MYL12B: variants seen among roughly 807,000 people sequenced by gnomAD.
The protein encoded by MYL12B is myosin light chain 12B.
Under a neutral mutation model 12.9 loss-of-function variants are expected in MYL12B, and 3 were observed. The ratio of observed to expected loss-of-function variants is 0.23; its 90% CI spans 0.11 to 0.60. The LOEUF (loss-of-function observed/expected upper bound fraction) is 0.60. MYL12B is among the 20% of genes least tolerant of loss of function. The probability of loss-of-function intolerance (pLI) is 0.89; values close to 1 mark genes in which losing one functional copy is unlikely to be tolerated. For synonymous variants in MYL12B, 57 were observed against 71.9 expected (o/e 0.79, Z 1.05); for missense variants, 120 against 215.4 (o/e 0.56, Z 2.77).
At position 3,278,050 on chromosome 18, in the gene MYL12B, C is replaced by G. The variant is rs2081748633; in HGVS notation, c.*113C>G. ...ATGCAACTTAGTTTCACAGCTTTGC[C>G]TCTTCTTTTTGATGTATTTATTCCA... On this transcript the variant is annotated 3_prime_UTR_variant, in exon 4 of 4. Transcript: ENST00000237500. 7.5e-7 allele frequency: 1 copy of G among 1,341,418 alleles called. No individual in the cohort carries two copies. The highest frequency in any genetic ancestry group is 1.5e-5 in the African/African-American group (1 of 66,920). The allele number at this position is 1,341,418 out of a possible 1,614,324, so 83.1% of individuals were successfully genotyped here. A position where few individuals can be genotyped will look rare whatever the true frequency, so the allele number is the denominator to read the frequency against.
In MYL12B at chr18:3,278,002, C is replaced by T; in HGVS notation, c.*65C>T. On this transcript the variant is annotated 3_prime_UTR_variant, in exon 4 of 4. Transcript: ENST00000237500. ...TCTCTTTTACTTCTCAGACACTTCC[C>T]CCACCCTCATAGAACCTGTTGCATG... The T allele has an allele frequency of 1.3e-6, 2 of 1,559,084 alleles. No homozygotes were observed. The highest frequency in any genetic ancestry group is 4.7e-5 in the East Asian group (2 of 42,220).
rs1022514331 is a variant in MYL12B, at chr18:3,273,045, C to T, written c.147C>T (p.Ile49=). The change falls in exon 2 of 4, where the codon ATC becomes ATT. Residue 49 remains isoleucine (I), a synonymous_variant. Transcript: ENST00000237500. ...NMIDQNRDGF[I]DKEDLHDMLA... ...TTGATCAGAACAGAGATGGCTTCAT[C>T]GACAAGGAAGATTTGCATGATATGC... is the stretch of plus-strand genomic sequence containing the variant. 1.2e-6 allele frequency: 2 copies of T among 1,605,684 alleles called. No individual in the cohort carries two copies. Among genetic ancestry groups the T allele is most frequent in the South Asian group, 1.1e-5 (1 of 89,576 alleles).
Position 3,278,012 on chromosome 18 carries a change from T to A in MYL12B, c.*75T>A. The A allele has an allele frequency of 6.5e-7, 1 of 1,532,920 alleles. No individual in the cohort carries two copies. The highest frequency in any genetic ancestry group is 8.8e-7 in the Non-Finnish European group (1 of 1,134,206). The allele number at this position is 1,532,920 out of a possible 1,614,324, so 95.0% of individuals were successfully genotyped here. ...TTCTCAGACACTTCCCCCACCCTCA[T>A]AGAACCTGTTGCATGCAACTTAGTT... On this transcript the variant is annotated 3_prime_UTR_variant, in exon 4 of 4. Transcript: ENST00000237500.
chr18:3,273,975 C>T (rs923279498), intron 2 of MYL12B, among the ~76,000 whole-genome samples: 2 of 151,816 alleles, frequency 1.3e-5, no homozygotes, highest in South Asian at 4.1e-4. Context: ...TTATTCCTAT[C>T]CAACATATGA....
rs758577007 is a variant in MYL12B, at chr18:3,273,083, G to C, written c.184+1G>C. 6.3e-7 allele frequency: 1 copy of C among 1,585,148 alleles called. No homozygotes were observed. On this transcript the variant is annotated splice_donor_variant, in intron 2 of 3. Transcript: ENST00000237500. LOFTEE classifies it high-confidence loss of function. ...TTGCATGATATGCTTGCTTCTCTAGGTAGACTTTATATTCTTTATTTGTAT... is the reference window on the plus strand; with the variant it reads ...TTGCATGATATGCTTGCTTCTCTAGCTAGACTTTATATTCTTTATTTGTAT...
chr18:3,273,147 T>C, intron 2 of MYL12B, 65 bp downstream of exon 2: 1 of 1,473,412 alleles, frequency 6.8e-7, no homozygotes, highest in Non-Finnish European at 9.1e-7. Flanking sequence ...ATGAATCTTT[T>C]TTTTGTGCGA....
In MYL12B at chr18:3,277,438, A is replaced by G; in HGVS notation, c.346+24A>G. On this transcript the variant is annotated intron_variant, in intron 3 of 3. Transcript: ENST00000237500. ...AGGTGAGTGCTATTTGTTTATGCCC[A>G]GCCTCATTCCACACTATATAAAGTA... 6 of 1,612,584 alleles carry G rather than the reference A, an allele frequency of 3.7e-6. No individual in the cohort carries two copies. In the East Asian group the frequency reaches 8.9e-5, roughly 24 times the overall value.
intron 1 of MYL12B, chr18:3,272,117 A>G (rs1256710853): frequency 1.0e-6 from 1 of 985,226 alleles, no homozygotes; most frequent in Non-Finnish European, 1.2e-6. Flanking sequence ...AAATGCAGGG[A>G]TAGCTAGAAA....
chr18:3,274,521 G>T (rs1422226574), intron 2 of MYL12B, among the ~76,000 whole-genome samples: 2 of 152,204 alleles, frequency 1.3e-5, no homozygotes, highest in Admixed American at 6.5e-5. Flanking sequence ...GGTAGAAGAA[G>T]ATTTATAGAC....
At chr18:3,274,790 T>C (rs2081715407) in intron 2 of MYL12B, among the ~76,000 whole-genome samples, 1 of 152,228 alleles carries the variant, frequency 6.6e-6, no homozygotes, top group Non-Finnish European at 1.5e-5. Context: ...TACGGAGTCT[T>C]TCTCAGGCCA....
chr18:3,273,223 A>AT, intron 2 of MYL12B, 141 bp downstream of exon 2: 1 of 955,768 alleles, frequency 1.0e-6, no homozygotes, highest in Non-Finnish European at 1.5e-6. Context: ...GGGAGGTGCT[A>AT]TTTTGGGGCT....
intron 1 of MYL12B, among the ~76,000 whole-genome samples, chr18:3,264,799 G>C (rs2081624182): frequency 6.6e-6 from 1 of 152,220 alleles, no homozygotes; most frequent in Non-Finnish European, 1.5e-5. Flanking sequence ...TATGGTGATA[G>C]AAATCTGAAC....
chr18:3,276,825 T>A (rs1461490947), intron 2 of MYL12B: 1 of 672,602 alleles, frequency 1.5e-6, no homozygotes, highest in Non-Finnish European at 1.8e-6. Context: ...TCACTTGAGC[T>A]CAGGAGTTCA....
intron 1 of MYL12B, among the ~76,000 whole-genome samples, chr18:3,270,664 CTGATT>C (rs5822751): frequency 0.95 from 144,388 of 151,750 alleles, 68,774 homozygotes; most frequent in Non-Finnish European, 0.98. Flanking sequence ...TTGACTGATT[CTGATT>C]TGATTTGATT....
At position 3,277,875 on chromosome 18, in the gene MYL12B, A is replaced by G; in HGVS notation, c.457A>G (p.Asn153Asp). 1 of 1,614,122 alleles carries G rather than the reference A, an allele frequency of 6.2e-7. No individual in the cohort carries two copies. The highest frequency in any genetic ancestry group is 8.5e-7 in the Non-Finnish European group (1 of 1,180,002). Reference protein sequence around the residue: ...YREAPIDKKGNFNYIEFTRIL... With the variant: ...YREAPIDKKGDFNYIEFTRIL... ...AGAAGCACCTATTGACAAAAAGGGG[A>G]ATTTCAATTACATCGAGTTCACACG... is the stretch of plus-strand genomic sequence containing the variant. The change falls in exon 4 of 4, where the codon AAT becomes GAT. Residue 153 changes from asparagine to aspartate, a missense_variant. Coordinates refer to ENST00000237500, the MANE Select transcript of MYL12B (RefSeq NM_033546.4).
intron 2 of MYL12B, 80 bp downstream of exon 2, chr18:3,273,162 C>T: frequency 7.1e-7 from 1 of 1,409,602 alleles, no homozygotes; most frequent in Non-Finnish European, 9.5e-7. Flanking sequence ...GTGCGATGTA[C>T]AAATATTTCT....
chr18:3,272,183 G>C (rs920389779), intron 1 of MYL12B: 2 of 833,460 alleles, frequency 2.4e-6, no homozygotes, highest in East Asian at 5.0e-4. Context: ...AACATGACTA[G>C]TCTTTTTACA....
In MYL12B at chr18:3,278,088, A is replaced by C. The variant is rs1304956522; in HGVS notation, c.*151A>C. On this transcript the variant is annotated 3_prime_UTR_variant, in exon 4 of 4. Transcript: ENST00000237500. Reference sequence around the variant, plus strand: ...TGTATTTATTCCAGACCTTTCTGCCACTTAGCACTTGTATAATCAGACTGG... The same window carrying C: ...TGTATTTATTCCAGACCTTTCTGCCCCTTAGCACTTGTATAATCAGACTGG... 1.1e-6 allele frequency: 1 copy of C among 888,744 alleles called. No homozygotes were observed. Among genetic ancestry groups the C allele is most frequent in the East Asian group, 2.9e-5 (1 of 34,776 alleles). 55.1% of individuals were successfully genotyped at this position (888,744 alleles called of 1,614,324 possible).
At chr18:3,271,025 C>T (rs561556520) in intron 1 of MYL12B, among the ~76,000 whole-genome samples, 5 of 152,104 alleles carry the variant, frequency 3.3e-5, no homozygotes, top group Admixed American at 2.0e-4. Context: ...TTCTAAATAA[C>T]TCGATTACAA....
Sources: gnomAD v4.1 joint callset for allele counts (sites outside exome capture counted in the v4.1 genomes callset) on GRCh38, gnomAD v4.1.1 for gene constraint, MANE v1.5 for transcripts, NCBI Gene and HGNC (gene_info 2026-07-23, HGNC 2026-07-21) for gene names.